GPR176: variants seen among roughly 807,000 people sequenced by gnomAD.
The protein encoded by GPR176 is G-protein coupled receptor 176.
GPR176 carries 26 observed loss-of-function variants against 35.4 expected under a neutral mutation model. That is an observed-to-expected ratio of 0.74 (90% CI 0.54 to 1.02). The LOEUF is 1.02. Among genes scored for constraint, GPR176 ranks in the 50% least tolerant of loss-of-function variants. The pLI, the probability that GPR176 is intolerant of heterozygous loss-of-function variation, is 0.00. For missense variants in GPR176, 597 were observed against 665.3 expected, an observed-to-expected ratio of 0.90 and a Z score of 1.13; for synonymous variants, 278 against 271.3, an observed-to-expected ratio of 1.02 and a Z score of -0.24.
In GPR176 at chr15:39,919,870, T is replaced by G. The variant is rs555628598; in HGVS notation, c.157A>C (p.Ile53Leu). 4 of 1,460,986 alleles carry G rather than the reference T, an allele frequency of 2.7e-6. No homozygotes were observed. The African/African-American group carries it at 4.4e-5, about 16-fold the overall frequency. The allele number at this position is 1,460,986 out of a possible 1,614,324, so 90.5% of individuals were successfully genotyped here. Residue 53 changes from isoleucine (I) to leucine (L), a missense_variant, in exon 1 of 3, where the codon ATA becomes CTA. Ile to Leu is a conservative substitution (Grantham distance 5). Coordinates refer to ENST00000561100, the MANE Select transcript of GPR176 (RefSeq NM_007223.3). ...FTTTVQVVIFIGSLLGNFMVL... is the reference protein window; with the variant it reads ...FTTTVQVVIFLGSLLGNFMVL... ...GGAGGCTTACCGAGCAGCGAGCCTA[T>G]GAAGATGACGACCTGCACGGTGGTG... is the stretch of plus-strand genomic sequence containing the variant.
chr15:39,906,184 C>A (rs755107164), intron 1 of GPR176, among the ~76,000 whole-genome samples: 1 of 152,208 alleles, frequency 6.6e-6, no homozygotes, highest in Non-Finnish European at 1.5e-5. Context: ...GTAAAACCTA[C>A]GGCATTTAGT....
intron 1 of GPR176, among the ~76,000 whole-genome samples, chr15:39,896,202 A>T (rs780510027): frequency 5.9e-4 from 90 of 151,952 alleles, no homozygotes; most frequent in Non-Finnish European, 9.9e-4. Context: ...CTACAGACAT[A>T]CATATGCCAC....
chr15:39,847,632 A>G (rs2030528319), intron 1 of GPR176, among the ~76,000 whole-genome samples: 1 of 150,556 alleles, frequency 6.6e-6, no homozygotes, highest in Non-Finnish European at 1.5e-5. Flanking sequence ...AATCCCAGCT[A>G]CTTGGGAGGC....
At chr15:39,829,182 G>T in intron 1 of GPR176, 1 of 1,532,910 alleles carries the variant, frequency 6.5e-7, no homozygotes, top group South Asian at 1.2e-5. Flanking sequence ...GCCTTCTCAT[G>T]AAGAGACAAC....
intron 1 of GPR176, among the ~76,000 whole-genome samples, chr15:39,848,123 C>T (rs961822568): frequency 3.3e-5 from 5 of 152,090 alleles, no homozygotes; most frequent in Non-Finnish European, 7.4e-5. Context: ...CCCACCAGGC[C>T]CCTCTTCCAA....
chr15:39,836,583 T>C (rs985311834), intron 1 of GPR176, among the ~76,000 whole-genome samples: 2 of 152,120 alleles, frequency 1.3e-5, no homozygotes, highest in African/African-American at 4.8e-5. Context: ...TATAGCAACA[T>C]AAATGGACCA....
At chr15:39,833,814 A>G (rs1186055317) in intron 1 of GPR176, among the ~76,000 whole-genome samples, 1 of 152,136 alleles carries the variant, frequency 6.6e-6, no homozygotes, top group Non-Finnish European at 1.5e-5. Context: ...CGGTCTCCCA[A>G]TTAAGTCAAA....
At chr15:39,884,219 A>G (rs952882396) in intron 1 of GPR176, among the ~76,000 whole-genome samples, 1 of 152,246 alleles carries the variant, frequency 6.6e-6, no homozygotes, top group Non-Finnish European at 1.5e-5. Context: ...AGCTGCAAAC[A>G]GTGCAGGTAA....
intron 1 of GPR176, among the ~76,000 whole-genome samples, chr15:39,913,547 A>G (rs139438830): frequency 0.012 from 1,766 of 151,606 alleles, 32 homozygotes; most frequent in African/African-American, 0.041. Flanking sequence ...CCTGTCTCAA[A>G]AAAAAAAAAG....
intron 1 of GPR176, among the ~76,000 whole-genome samples, chr15:39,832,398 T>G (rs982251392): frequency 1.3e-5 from 2 of 152,122 alleles, no homozygotes; most frequent in African/African-American, 4.8e-5. Context: ...GCAAACTTGC[T>G]GATTAAAACA....
chr15:39,837,516 CTT>C (rs1183988821), intron 1 of GPR176, among the ~76,000 whole-genome samples: 1 of 152,150 alleles, frequency 6.6e-6, no homozygotes. Context: ...ATGAAGACCT[CTT>C]TGATTCCACA....
chr15:39,919,753 C>T, intron 1 of GPR176, 102 bp downstream of exon 1: 1 of 911,632 alleles, frequency 1.1e-6, no homozygotes, highest in Non-Finnish European at 1.5e-6. Context: ...TGCACTTTGC[C>T]AGGCACCCGA....
At chr15:39,840,769 A>G (rs1051880520) in intron 1 of GPR176, among the ~76,000 whole-genome samples, 1 of 152,162 alleles carries the variant, frequency 6.6e-6, no homozygotes, top group African/African-American at 2.4e-5. Context: ...TTACAGAAAT[A>G]AAACCACAGA....
rs551127076 is a variant in GPR176 at position 39,831,843 on chromosome 15, A to T, written c.173-24585T>A. On this transcript the variant is annotated intron_variant, in intron 1 of 2. Coordinates refer to ENST00000561100, the MANE Select transcript of GPR176 (RefSeq NM_007223.3). ...CTCAGAATGTTTCCTAAAATACAGA[A>T]TTGATCAGGAAGCCTGACTTTATAT... Among the ~76,000 whole-genome samples the T allele has an allele frequency of 2.0e-5, 3 of 152,234 alleles. No individual in the cohort carries two copies. The South Asian group carries it at 6.2e-4, about 32-fold the overall frequency.
intron 1 of GPR176, among the ~76,000 whole-genome samples, chr15:39,861,334 A>G (rs2031573870): frequency 6.6e-6 from 1 of 152,072 alleles, no homozygotes; most frequent in Non-Finnish European, 1.5e-5. Context: ...GGCAGATCAC[A>G]AAGTCAAGAG....
intron 1 of GPR176, among the ~76,000 whole-genome samples, chr15:39,842,268 A>G (rs1482865861): frequency 6.6e-6 from 1 of 152,132 alleles, no homozygotes; most frequent in Non-Finnish European, 1.5e-5. Flanking sequence ...CATATTTTAC[A>G]GGGTAGGAGC....
At chr15:39,894,912 T>G (rs1008477908) in intron 1 of GPR176, among the ~76,000 whole-genome samples, 1 of 152,064 alleles carries the variant, frequency 6.6e-6, no homozygotes, top group African/African-American at 2.4e-5. Context: ...CGAGCCGAGA[T>G]CACGCCACTG....
intron 1 of GPR176, among the ~76,000 whole-genome samples, chr15:39,826,919 T>G (rs1213449255): frequency 2.0e-5 from 3 of 152,112 alleles, no homozygotes; most frequent in African/African-American, 7.2e-5. Context: ...AATAATATGA[T>G]CAAGTATTAA....
At chr15:39,816,521 G>T (rs934550478) in intron 1 of GPR176, among the ~76,000 whole-genome samples, 6 of 152,006 alleles carry the variant, frequency 3.9e-5, no homozygotes, top group Admixed American at 2.0e-4. Context: ...ACCACACAAG[G>T]TTATGAAAAT....
Sources: allele counts gnomAD v4.1 joint callset (sites outside exome capture counted in the v4.1 genomes callset), GRCh38; gene constraint gnomAD v4.1.1; transcripts MANE v1.5; gene names NCBI Gene and HGNC (gene_info 2026-07-23, HGNC 2026-07-21).